The following FTCDNL1 variants were observed in gnomAD, a reference collection of about 807,000 sequenced individuals.
FTCDNL1 encodes the protein formiminotransferase cyclodeaminase N-terminal like.
Under a neutral mutation model 5.9 loss-of-function variants are expected in FTCDNL1, and 11 were observed. That is an observed-to-expected ratio of 1.87 (90% confidence interval 1.18 to 3.10). The LOEUF (loss-of-function observed/expected upper bound fraction) is 3.10. Ranked by LOEUF, FTCDNL1 falls within the 30% of genes most tolerant of loss-of-function variation. The pLI is 0.00. For synonymous variants in FTCDNL1, 58 were observed against 24.8 expected (o/e 2.34, Z -3.99); for missense variants, 115 against 65.5 (o/e 1.76, Z -2.61).
At chr2:199,696,641 A>G in the FTCDNL1 span, among the ~76,000 whole-genome samples, 1 of 152,192 alleles carries the variant, frequency 6.6e-6, no homozygotes, top group African/African-American at 2.4e-5. Flanking sequence ...AAAGCAAAAA[A>G]AAAAAATCCA....
the FTCDNL1 span, among the ~76,000 whole-genome samples, chr2:199,739,381 C>T: frequency 6.6e-6 from 1 of 152,170 alleles, no homozygotes; most frequent in Admixed American, 6.5e-5. Flanking sequence ...TCAGAAGGAG[C>T]TTTACGGGTA....
chr2:199,760,538 A>G (rs1698222504), downstream of FTCDNL1: 3 of 419,758 alleles, frequency 7.1e-6, no homozygotes, highest in Non-Finnish European at 1.3e-5. Flanking sequence ...TAAACAAATT[A>G]TTTTTGAAAA....
Position 199,833,441 on chromosome 2 carries a change from G to A in FTCDNL1, c.211+12634C>T, listed in dbSNP as rs146815012. ...CTTTCACTTGCATATATTGCTCCCC[G>A]TTTGTTAAGGACCTCTCACTCTCTT... On this transcript the variant is annotated intron_variant, in intron 3 of 4. Coordinates refer to ENST00000420128, the MANE Select transcript of FTCDNL1 (RefSeq NM_001363886.2). 2.3e-3 allele frequency among the ~76,000 whole-genome samples: 352 copies of A among 152,258 alleles called. 1 individual carries two copies. The highest frequency in any genetic ancestry group is 3.2e-3 in the Non-Finnish European group (221 of 68,020).
At chr2:199,830,043 GA>G (rs879773682) in intron 3 of FTCDNL1, among the ~76,000 whole-genome samples, 56 of 142,104 alleles carry the variant, frequency 3.9e-4, no homozygotes, top group South Asian at 6.6e-4. Context: ...AATCAAGTAG[GA>G]AAAAAAAAAA....
chr2:199,750,214 G>A, the FTCDNL1 span, among the ~76,000 whole-genome samples: 2 of 151,500 alleles, frequency 1.3e-5, no homozygotes, highest in Admixed American at 1.3e-4. Flanking sequence ...AAAATTAGCC[G>A]AGCTTGGTGG....
the FTCDNL1 span, among the ~76,000 whole-genome samples, chr2:199,701,708 A>C: frequency 6.6e-6 from 1 of 152,232 alleles, no homozygotes; most frequent in African/African-American, 2.4e-5. Context: ...ATGCAGAAAC[A>C]GAAAACCAAA....
At chr2:199,817,397 G>T (rs957904026) in intron 4 of FTCDNL1, among the ~76,000 whole-genome samples, 1 of 152,062 alleles carries the variant, frequency 6.6e-6, no homozygotes, top group African/African-American at 2.4e-5. Flanking sequence ...CATTCATTGT[G>T]CCAATTTTGG....
At chr2:199,741,387 T>C in the FTCDNL1 span, among the ~76,000 whole-genome samples, 1 of 152,310 alleles carries the variant, frequency 6.6e-6, no homozygotes, top group Non-Finnish European at 1.5e-5. Flanking sequence ...ATGTACCTAA[T>C]TAATTGATGA....
the FTCDNL1 span, among the ~76,000 whole-genome samples, chr2:199,681,114 T>A: frequency 6.6e-6 from 1 of 152,214 alleles, no homozygotes; most frequent in African/African-American, 2.4e-5. Flanking sequence ...TTGATAAGTT[T>A]AAAAAGTTAA....
At chr2:199,736,396 G>C in the FTCDNL1 span, among the ~76,000 whole-genome samples, 8 of 152,100 alleles carry the variant, frequency 5.3e-5, no homozygotes, top group Admixed American at 5.2e-4. Flanking sequence ...CCTCCAACCT[G>C]TACTTCCAGA....
At chr2:199,712,360 T>C in the FTCDNL1 span, among the ~76,000 whole-genome samples, 5 of 152,176 alleles carry the variant, frequency 3.3e-5, no homozygotes, top group Non-Finnish European at 4.4e-5. Context: ...GCACTTTTAA[T>C]AATATCACTA....
the FTCDNL1 span, among the ~76,000 whole-genome samples, chr2:199,723,574 T>C: frequency 6.6e-6 from 1 of 152,166 alleles, no homozygotes; most frequent in African/African-American, 2.4e-5. Flanking sequence ...ACCTAGTTTA[T>C]TGAGAGTTTT....
In FTCDNL1 at chr2:199,809,899, ATT is replaced by A. The variant is rs3081593; in HGVS notation, c.*2804_*2805del. ...TCATTTTTTAGTCACTTAGTACCTG[ATT>A]TTTTTTTTTTTTGGTAACCCTCCCA... On this transcript the variant is annotated 3_prime_UTR_variant, in exon 5 of 5. Transcript: ENST00000420128. 0.056 allele frequency among the ~76,000 whole-genome samples: 8,195 copies of A among 145,922 alleles called. 274 individuals are homozygous for A. The highest frequency in any genetic ancestry group is 0.13 in the Middle Eastern group (38 of 282).
the FTCDNL1 span, among the ~76,000 whole-genome samples, chr2:199,710,572 A>G: frequency 6.6e-6 from 1 of 152,156 alleles, no homozygotes; most frequent in African/African-American, 2.4e-5. Context: ...ATGAGATTCA[A>G]CTGTATAATA....
chr2:199,786,249 C>CTG (rs1699642063), intron 3 of FTCDNL1, among the ~76,000 whole-genome samples: 1 of 148,276 alleles, frequency 6.7e-6, no homozygotes, highest in Non-Finnish European at 1.5e-5. Context: ...ACCTCCAGCC[C>CTG]TGTATATATA....
At chr2:199,704,923 GC>G in the FTCDNL1 span, among the ~76,000 whole-genome samples, 221 of 152,250 alleles carry the variant, frequency 1.5e-3, no homozygotes, top group Non-Finnish European at 1.6e-3. Context: ...AAACAATTCT[GC>G]AGATGAAAAT....
the FTCDNL1 span, among the ~76,000 whole-genome samples, chr2:199,723,598 C>T: frequency 4.0e-5 from 6 of 151,684 alleles, no homozygotes; most frequent in Non-Finnish European, 5.9e-5. Context: ...CATGAGGGGA[C>T]GTTCATTTTT....
At chr2:199,830,754 A>G (rs959340606) in intron 3 of FTCDNL1, among the ~76,000 whole-genome samples, 9 of 152,198 alleles carry the variant, frequency 5.9e-5, no homozygotes, top group South Asian at 2.1e-4. Flanking sequence ...AATTTTTACC[A>G]TATGTACACA....
At chr2:199,774,615 GT>G (rs936128300) in intron 3 of FTCDNL1, among the ~76,000 whole-genome samples, 2 of 151,770 alleles carry the variant, frequency 1.3e-5, no homozygotes, top group Non-Finnish European at 2.9e-5. Flanking sequence ...GGTTTTAAGG[GT>G]TTTTTTTAGT....
Sources: allele counts gnomAD v4.1 joint callset (sites outside exome capture counted in the v4.1 genomes callset), GRCh38; gene constraint gnomAD v4.1.1; transcripts MANE v1.5; gene names NCBI Gene and HGNC (gene_info 2026-07-23, HGNC 2026-07-21).